The following HTT variants were observed in gnomAD, a reference collection of about 807,000 sequenced individuals.
HTT encodes huntington disease protein.
Under a neutral mutation model 362.3 loss-of-function variants are expected in HTT, and 104 were observed. The observed-to-expected ratio is 0.29, with a 90% confidence interval of 0.24 to 0.34. The LOEUF (loss-of-function observed/expected upper bound fraction) is 0.34, where lower values mean the gene tolerates loss of function less well. Ranked by LOEUF, HTT falls within the 10% of genes least tolerant of loss-of-function variation. HTT has a pLI of 1.00. For synonymous variants in HTT, 1,577 were observed against 1,548.7 expected (o/e 1.02, Z -0.43); for missense variants, 3,301 against 3,928.6 (o/e 0.84, Z 4.27).
intron 45 of HTT, among the ~76,000 whole-genome samples, chr4:3,208,092 A>T (rs1252209011): frequency 6.6e-6 from 1 of 152,182 alleles, no homozygotes; most frequent in Non-Finnish European, 1.5e-5. Flanking sequence ...CTTGTCTATT[A>T]TGCTTTTCAG....
chr4:3,085,226 C>T (rs531669300), intron 1 of HTT, among the ~76,000 whole-genome samples: 3 of 152,022 alleles, frequency 2.0e-5, no homozygotes, highest in South Asian at 4.2e-4. Flanking sequence ...CAACCTCTGC[C>T]TCCTGGGTTC....
chr4:3,091,423 G>A (rs1713502162), intron 2 of HTT, among the ~76,000 whole-genome samples: 1 of 152,128 alleles, frequency 6.6e-6, no homozygotes, highest in South Asian at 2.1e-4. Context: ...TTAGTTTGAG[G>A]AAGGTTAACA....
At chr4:3,187,282 A>T (rs2110247804) in intron 38 of HTT, among the ~76,000 whole-genome samples, 1 of 151,574 alleles carries the variant, frequency 6.6e-6, no homozygotes, top group East Asian at 1.9e-4. Flanking sequence ...CAGCCTCCCG[A>T]GTAGCTGGGA....
At position 3,134,386 on chromosome 4, in the gene HTT, G is replaced by C; in HGVS notation, c.2494-15G>C. 1 of 1,611,432 alleles carries C rather than the reference G, an allele frequency of 6.2e-7. No individual in the cohort carries two copies. Among genetic ancestry groups the C allele is most frequent in the Non-Finnish European group, 8.5e-7 (1 of 1,178,812 alleles). On this transcript the variant is annotated splice_polypyrimidine_tract_variant and intron_variant, in intron 18 of 66. Transcript: ENST00000355072. ...ACTAACCTGCTGTCCTCTTGCCTTG[G>C]ACCTTGTGTTCCAGAACTGTGTCAT...
chr4:3,111,806 T>A (rs1342050170), intron 6 of HTT, among the ~76,000 whole-genome samples: 3 of 152,074 alleles, frequency 2.0e-5, no homozygotes, highest in South Asian at 2.1e-4. Flanking sequence ...GGTGAGTGGG[T>A]GGGAATTTGC....
intron 11 of HTT, among the ~76,000 whole-genome samples, chr4:3,126,950 A>G (rs1189720989): frequency 3.9e-5 from 6 of 152,156 alleles, no homozygotes; most frequent in Admixed American, 6.5e-5. Context: ...CTTAATTACA[A>G]ATGTCTTTAT....
At chr4:3,227,108 TC>T (rs1425469771) in intron 57 of HTT, among the ~76,000 whole-genome samples, 1 of 152,146 alleles carries the variant, frequency 6.6e-6, no homozygotes, top group Non-Finnish European at 1.5e-5. Flanking sequence ...GTATTCCCTA[TC>T]CCCCCAACCC....
intron 21 of HTT, among the ~76,000 whole-genome samples, chr4:3,138,880 T>C (rs1191198707): frequency 6.6e-6 from 1 of 152,252 alleles, no homozygotes; most frequent in Non-Finnish European, 1.5e-5. Context: ...TCCAAAGTGC[T>C]GGGATTACAG....
chr4:3,148,519 C>T (rs922237601), intron 26 of HTT, among the ~76,000 whole-genome samples: 1 of 151,944 alleles, frequency 6.6e-6, no homozygotes, highest in African/African-American at 2.4e-5. Context: ...TGGGTTGGGC[C>T]GGGCGTGGTG....
intron 2 of HTT, among the ~76,000 whole-genome samples, chr4:3,096,845 A>G (rs1490908818): frequency 6.6e-6 from 1 of 152,230 alleles, no homozygotes; most frequent in Admixed American, 6.5e-5. Context: ...AGGGCCAGGT[A>G]CGGTGGCTTA....
chr4:3,189,208 A>G, intron 40 of HTT, 115 bp downstream of exon 40: 1 of 1,055,792 alleles, frequency 9.5e-7, no homozygotes, highest in South Asian at 1.6e-5. Context: ...CCAGTGTGCC[A>G]GTTGAAAATA....
At position 3,127,360 on chromosome 4, in the gene HTT, G is replaced by T. The variant is rs777355677; in HGVS notation, c.1499G>T (p.Arg500Leu). The change falls in exon 12 of 67, where the codon CGG (arginine) becomes CTG (leucine). Residue 500 changes from arginine to leucine, a missense_variant. Transcript: ENST00000355072. ...CATGACATCATCACAGAACAGCCAC[G>T]GTCACAGCACACACTGCAGGCGGAC... ...AGHDIITEQP[R>L]SQHTLQADSV... is the part of the protein sequence containing the mutation. 1 of 1,614,146 alleles carries T rather than the reference G, an allele frequency of 6.2e-7. No individual in the cohort carries two copies. Among genetic ancestry groups the T allele is most frequent in the Non-Finnish European group, 8.5e-7 (1 of 1,180,012 alleles).
At chr4:3,197,362 C>T (rs1475560479) in intron 40 of HTT, among the ~76,000 whole-genome samples, 1 of 152,060 alleles carries the variant, frequency 6.6e-6, no homozygotes, top group Non-Finnish European at 1.5e-5. Flanking sequence ...GAACTAGCAC[C>T]ACTGTCACTC....
At chr4:3,153,399 A>T (rs887914484) in intron 26 of HTT, among the ~76,000 whole-genome samples, 1 of 152,170 alleles carries the variant, frequency 6.6e-6, no homozygotes, top group Admixed American at 6.5e-5. Context: ...TAGGACCTCA[A>T]TTCCACATGT....
chr4:3,127,190 A>T lies in HTT; in HGVS notation c.1403-74A>T. The T allele has an allele frequency of 3.5e-6, 4 of 1,127,942 alleles. No individual in the cohort carries two copies. The South Asian group carries it at 4.1e-5, about 12-fold the overall frequency. The allele number at this position is 1,127,942 out of a possible 1,614,324, so 69.9% of individuals were successfully genotyped here. A position where few individuals can be genotyped will look rare whatever the true frequency, so the allele number is the denominator to read the frequency against. On this transcript the variant is annotated intron_variant, in intron 11 of 66. Transcript: ENST00000355072. The stretch of plus-strand genomic sequence containing the variant: ...TTTGATAACGGTGGAACTGTTCGTT[A>T]TTTTGCAAGCCTGTGATTCCCTATT...
At chr4:3,179,264 C>T (rs972632774) in intron 35 of HTT, among the ~76,000 whole-genome samples, 77 of 152,252 alleles carry the variant, frequency 5.1e-4, no homozygotes, top group African/African-American at 1.8e-3. Flanking sequence ...GTGTTTGCCA[C>T]GGCCTCACAA....
intron 8 of HTT, among the ~76,000 whole-genome samples, chr4:3,120,787 G>A (rs912511198): frequency 6.6e-6 from 1 of 152,212 alleles, no homozygotes; most frequent in Non-Finnish European, 1.5e-5. Flanking sequence ...GGGTAGCACT[G>A]TGATATAGTA....
intron 53 of HTT, 80 bp downstream of exon 53, chr4:3,220,388 C>A: frequency 2.9e-6 from 4 of 1,397,354 alleles, no homozygotes; most frequent in Non-Finnish European, 4.0e-6. Context: ...GTACTGGGAT[C>A]TTCTCATTTG....
Position 3,217,905 on chromosome 4 carries a change from C to T in HTT, c.7195C>T (p.Leu2399=), listed in dbSNP as rs747521327. 3.0e-5 allele frequency: 48 copies of T among 1,613,478 alleles called. No homozygotes were observed. In the African/African-American group the frequency reaches 5.1e-4, roughly 17 times the overall value. Residue 2399 remains leucine (L), a synonymous_variant, in exon 52 of 67, where the codon CTG becomes TTG. Coordinates refer to ENST00000355072, the MANE Select transcript of HTT (RefSeq NM_001388492.1). Reference sequence around the variant, plus strand: ...ATTGCTAAGGAACATCATCATCAGCCTGGCCCGCCTGCCCCTTGTCAACAG... The same window carrying T: ...ATTGCTAAGGAACATCATCATCAGCTTGGCCCGCCTGCCCCTTGTCAACAG... The part of the protein sequence containing the change: ...TPLLRNIIIS[L]ARLPLVNSYT...
Sources: gnomAD v4.1 joint callset for allele counts (sites outside exome capture counted in the v4.1 genomes callset) on GRCh38, gnomAD v4.1.1 for gene constraint, MANE v1.5 for transcripts, NCBI Gene and HGNC (gene_info 2026-07-23, HGNC 2026-07-21) for gene names.